The following EPHA5 variants were observed in gnomAD, a reference collection of about 807,000 sequenced individuals.
The protein encoded by EPHA5 is ephrin type-A receptor 5.
Under a neutral mutation model 105.0 loss-of-function variants are expected in EPHA5, and 60 were observed. That is an observed-to-expected ratio of 0.57 (90% confidence interval 0.46 to 0.71). The LOEUF is 0.71. EPHA5 is among the 30% of genes least tolerant of loss of function. The pLI is 0.00. For synonymous variants in EPHA5, 513 were observed against 449.1 expected, an observed-to-expected ratio of 1.14 and a Z score of -1.80; for missense variants, 1,218 against 1,274.7, an observed-to-expected ratio of 0.96 and a Z score of 0.68.
chr4:65,572,725 A>G (rs998127855), intron 3 of EPHA5, among the ~76,000 whole-genome samples: 1 of 152,210 alleles, frequency 6.6e-6, no homozygotes, highest in African/African-American at 2.4e-5. Flanking sequence ...CTCATTTATT[A>G]TTTGTGTAAT....
At chr4:65,482,770 G>A (rs2149192557) in intron 5 of EPHA5, among the ~76,000 whole-genome samples, 1 of 152,088 alleles carries the variant, frequency 6.6e-6, no homozygotes, top group African/African-American at 2.4e-5. Context: ...GAAGGACTCT[G>A]CAATAGCATC....
At chr4:65,575,234 T>C (rs552458160) in intron 3 of EPHA5, among the ~76,000 whole-genome samples, 2 of 152,238 alleles carry the variant, frequency 1.3e-5, no homozygotes, top group East Asian at 3.9e-4. Context: ...GACCACATTT[T>C]ATAGCATTTC....
chr4:65,388,538 A>T (rs1156862588), intron 8 of EPHA5, among the ~76,000 whole-genome samples: 3 of 151,638 alleles, frequency 2.0e-5, no homozygotes, highest in South Asian at 2.1e-4. Flanking sequence ...TATCTCATTG[A>T]GGTTTTGATT....
Position 65,490,654 on chromosome 4 carries a change from C to A in EPHA5, c.1125G>T (p.Leu375=). 6.2e-7 allele frequency: 1 copy of A among 1,614,066 alleles called. No homozygotes were observed. Among genetic ancestry groups the A allele is most frequent in the Non-Finnish European group, 8.5e-7 (1 of 1,180,008 alleles). ...ISNVNETSVF[L]EWIPPADTGG... is the part of the protein sequence containing the mutation. ...CAGTGTCAGCAGGCGGAATCCATTC[C>A]AGAAAGACACTAGTTTCATTAACAT... is the stretch of plus-strand genomic sequence containing the variant. Residue 375 remains leucine, a synonymous_variant, in exon 5 of 17, where the codon CTG becomes CTT. Coordinates refer to ENST00000613740, the MANE Select transcript of EPHA5 (RefSeq NM_001281766.3).
At chr4:65,492,535 T>G (rs1006377064) in intron 4 of EPHA5, among the ~76,000 whole-genome samples, 1 of 102,768 alleles carries the variant, frequency 9.7e-6, no homozygotes, top group African/African-American at 4.0e-5. Flanking sequence ...CTTGACATCT[T>G]TGCAAAAAAA....
At chr4:65,426,628 A>C (rs2149051349) in intron 5 of EPHA5, among the ~76,000 whole-genome samples, 1 of 152,230 alleles carries the variant, frequency 6.6e-6, no homozygotes, top group Non-Finnish European at 1.5e-5. Context: ...AACATGCATA[A>C]ATTATTTTTC....
chr4:65,526,431 A>G (rs1735235130), intron 3 of EPHA5, among the ~76,000 whole-genome samples: 1 of 151,744 alleles, frequency 6.6e-6, no homozygotes, highest in Admixed American at 6.6e-5. Flanking sequence ...TATTAGGCTC[A>G]TGATAAAATT....
rs1722680304 is a variant in EPHA5, at chr4:65,409,260, C to G, written c.1688-4781G>C. Among the ~76,000 whole-genome samples the G allele has an allele frequency of 3.2e-5, 4 of 126,868 alleles. 1 individual carries two copies. The South Asian group carries it at 1.2e-3, about 39-fold the overall frequency. The allele number at this position is 126,868 out of a possible 152,430, so 83.2% of individuals were successfully genotyped here. ...ATGCTAGATGACGAGTTAGTGGGTG[C>G]AGCGCACCAGCATGGCACATGTATA... is the stretch of plus-strand genomic sequence containing the variant. On this transcript the variant is annotated intron_variant, in intron 7 of 16. Transcript: ENST00000613740.
chr4:65,435,782 T>G (rs1289513389), intron 5 of EPHA5, among the ~76,000 whole-genome samples: 2 of 151,476 alleles, frequency 1.3e-5, no homozygotes, highest in Non-Finnish European at 3.0e-5. Context: ...AGTTTCTCTC[T>G]GATGGTTAAA....
chr4:65,449,836 G>T (rs544468955), intron 5 of EPHA5, among the ~76,000 whole-genome samples: 1 of 151,918 alleles, frequency 6.6e-6, no homozygotes, highest in Admixed American at 6.6e-5. Flanking sequence ...TGGACACTGG[G>T]GCTATGCTGC....
intron 3 of EPHA5, among the ~76,000 whole-genome samples, chr4:65,519,810 C>A (rs1412664576): frequency 6.6e-6 from 1 of 152,030 alleles, no homozygotes; most frequent in South Asian, 2.1e-4. Flanking sequence ...CCTAGGAATC[C>A]AACTTACAAG....
chr4:65,424,991 T>C (rs865950703), intron 5 of EPHA5, among the ~76,000 whole-genome samples: 7 of 152,198 alleles, frequency 4.6e-5, no homozygotes, highest in African/African-American at 1.2e-4. Flanking sequence ...CCAACACTTT[T>C]TGTGTAGGCA....
intron 16 of EPHA5, among the ~76,000 whole-genome samples, chr4:65,329,913 T>C (rs73824284): frequency 0.017 from 2,602 of 151,010 alleles, 78 homozygotes; most frequent in African/African-American, 0.06. Context: ...TTACTTAACA[T>C]AATGTTTTGA....
chr4:65,625,317 CA>C (rs896815495), intron 2 of EPHA5, among the ~76,000 whole-genome samples: 1 of 150,596 alleles, frequency 6.6e-6, no homozygotes, highest in East Asian at 1.9e-4. Flanking sequence ...TTTGTCATAC[CA>C]AAAAAAATGA....
chr4:65,539,606 A>G (rs893457897), intron 3 of EPHA5, among the ~76,000 whole-genome samples: 1 of 151,610 alleles, frequency 6.6e-6, no homozygotes, highest in African/African-American at 2.4e-5. Flanking sequence ...ATCAATAGAG[A>G]TATTGCTCCC....
intron 3 of EPHA5, among the ~76,000 whole-genome samples, chr4:65,557,170 C>A (rs4860686): frequency 0.87 from 127,092 of 145,846 alleles, 55,508 homozygotes; most frequent in Admixed American, 0.9. Flanking sequence ...GATTTGGGGA[C>A]GGGGCATGGT....
Position 65,512,524 on chromosome 4 carries a change from T to A in EPHA5, c.911-16981A>T, listed in dbSNP as rs770179852. ...TTTTTGTGACAGAGTTCTCACAAGA[T>A]CTGGTTGTCCAAAAGTGTGCAGTAC... On this transcript the variant is annotated intron_variant, in intron 3 of 16. Coordinates refer to ENST00000613740, the MANE Select transcript of EPHA5 (RefSeq NM_001281766.3). 2.1e-3 allele frequency among the ~76,000 whole-genome samples: 314 copies of A among 152,140 alleles called. 1 individual carries two copies. Among genetic ancestry groups the A allele is most frequent in the Non-Finnish European group, 1.1e-3 (72 of 68,006 alleles).
intron 8 of EPHA5, among the ~76,000 whole-genome samples, chr4:65,370,900 G>C (rs967572499): frequency 2.6e-5 from 4 of 152,036 alleles, no homozygotes; most frequent in African/African-American, 9.7e-5. Flanking sequence ...GCAAGTAAAA[G>C]TGCAGCTAGC....
intron 5 of EPHA5, among the ~76,000 whole-genome samples, chr4:65,482,267 C>T (rs1730444601): frequency 6.7e-6 from 1 of 148,582 alleles, no homozygotes; most frequent in South Asian, 2.1e-4. Flanking sequence ...CATCGCACTC[C>T]AGCCTGGGTG....
Sources: gnomAD v4.1 joint callset for allele counts (sites outside exome capture counted in the v4.1 genomes callset) on GRCh38, gnomAD v4.1.1 for gene constraint, MANE v1.5 for transcripts, NCBI Gene and HGNC (gene_info 2026-07-23, HGNC 2026-07-21) for gene names.